The following PTPRG variants were observed in gnomAD, a reference collection of about 807,000 sequenced individuals.
PTPRG encodes the protein protein tyrosine phosphatase receptor type G, also known as receptor-type tyrosine-protein phosphatase gamma.
Under a neutral mutation model 165.3 loss-of-function variants are expected in PTPRG, and 102 were observed. The ratio of observed to expected loss-of-function variants is 0.62; its 90% CI spans 0.53 to 0.73. PTPRG has a LOEUF of 0.73. PTPRG is among the 30% of genes least tolerant of loss of function. PTPRG has a pLI of 0.00. For synonymous variants in PTPRG, 675 were observed against 669.5 expected (o/e 1.01, Z -0.13); for missense variants, 1,866 against 1,861.4 (o/e 1.00, Z -0.05).
chr3:62,276,042 G>C, intron 24 of PTPRG, 76 bp downstream of exon 24: 2 of 1,057,856 alleles, frequency 1.9e-6, no homozygotes, highest in South Asian at 1.5e-5. Context: ...CCACTACTCT[G>C]ATGCTATTGA....
rs1702984914 is a variant in PTPRG, at chr3:62,294,002, C to G, written c.*695C>G. The G allele has an allele frequency of 6.6e-6, 1 of 152,530 alleles. No individual in the cohort carries two copies. Among genetic ancestry groups the G allele is most frequent in the African/African-American group, 2.4e-5 (1 of 41,436 alleles). 9.4% of individuals were successfully genotyped at this position (152,530 alleles called of 1,614,324 possible). A position where few individuals can be genotyped will look rare whatever the true frequency, so the allele number is the denominator to read the frequency against. On this transcript the variant is annotated 3_prime_UTR_variant, in exon 30 of 30. Transcript: ENST00000474889. ...AAATGTGTCAAAATAAAGGATAACT[C>G]TGTATTACAGCTTTCACAGTAGCTA...
intron 5 of PTPRG, chr3:62,124,462 C>T: frequency 2.5e-6 from 4 of 1,613,470 alleles, no homozygotes; most frequent in East Asian, 2.2e-5. Flanking sequence ...TGCTGGGCAC[C>T]AGCTCCTTGA....
intron 2 of PTPRG, among the ~76,000 whole-genome samples, chr3:61,965,576 T>C (rs1305497982): frequency 6.6e-6 from 1 of 152,072 alleles, no homozygotes; most frequent in African/African-American, 2.4e-5. Context: ...TCAAGAGTGT[T>C]CTTCTAAAGC....
intron 2 of PTPRG, among the ~76,000 whole-genome samples, chr3:61,882,074 T>G (rs2037903135): frequency 6.6e-6 from 1 of 152,240 alleles, no homozygotes. Context: ...CCATTACAAC[T>G]GACAGTATAC....
At chr3:62,249,662 G>T (rs768994370) in intron 15 of PTPRG, among the ~76,000 whole-genome samples, 31 of 152,174 alleles carry the variant, frequency 2.0e-4, no homozygotes, top group Non-Finnish European at 2.5e-4. Context: ...TAGACCTTAA[G>T]TCAATCAACT....
chr3:62,049,538 G>C (rs1487523950), intron 4 of PTPRG, among the ~76,000 whole-genome samples: 2 of 141,272 alleles, frequency 1.4e-5, no homozygotes, highest in Non-Finnish European at 3.0e-5. Flanking sequence ...TCCAAGTGGT[G>C]GATAGGATTT....
chr3:61,595,777 A>G (rs1052884562), intron 1 of PTPRG, among the ~76,000 whole-genome samples: 10 of 152,222 alleles, frequency 6.6e-5, no homozygotes, highest in Admixed American at 1.3e-4. Context: ...TAAGAAATCT[A>G]TCTAGTGTTC....
intron 1 of PTPRG, among the ~76,000 whole-genome samples, chr3:61,630,614 A>G (rs1222007459): frequency 6.6e-6 from 1 of 152,154 alleles, no homozygotes; most frequent in African/African-American, 2.4e-5. Context: ...TTTTCAGTTG[A>G]GCTGACATTC....
At position 62,203,270 on chromosome 3, in the gene PTPRG, T is replaced by C; in HGVS notation, c.1475T>C (p.Met492Thr). The C allele has an allele frequency of 6.2e-7, 1 of 1,614,024 alleles. No homozygotes were observed. Among genetic ancestry groups the C allele is most frequent in the African/African-American group, 1.3e-5 (1 of 75,000 alleles). Residue 492 changes from methionine (M) to threonine (T), a missense_variant, in exon 12 of 30, where the codon ATG (methionine) becomes ACG (threonine). Physicochemically the swap from Met to Thr is moderately conservative, Grantham distance 81. This residue lies in a region of PTPRG where 1,452 missense variants were observed against 1,463.0 expected (regional missense o/e 0.99). Transcript: ENST00000474889. This position sits in a 1 kb window ranked among gnomAD's most constrained non-coding sequence, Gnocchi z 6.4. Reference protein sequence around the residue: ...SSGIPFSFVSMATGMGPSSSG... With the variant: ...SSGIPFSFVSTATGMGPSSSG... ...GGCATCCCATTCTCATTTGTTTCCA[T>C]GGCAACTGGGATGGGCCCCTCCTCC...
At chr3:61,751,722 G>A (rs1245386207) in intron 2 of PTPRG, among the ~76,000 whole-genome samples, 1 of 152,182 alleles carries the variant, frequency 6.6e-6, no homozygotes, top group Admixed American at 6.5e-5. Flanking sequence ...CGGGCGCAGT[G>A]GCTCACGCCT....
At chr3:61,584,363 T>G (rs1201708636) in intron 1 of PTPRG, among the ~76,000 whole-genome samples, 1 of 152,232 alleles carries the variant, frequency 6.6e-6, no homozygotes, top group Non-Finnish European at 1.5e-5. Context: ...TGTCATGTTT[T>G]AACTACTCCT....
intron 2 of PTPRG, among the ~76,000 whole-genome samples, chr3:61,861,953 G>T (rs2037282690): frequency 6.6e-6 from 1 of 152,150 alleles, no homozygotes; most frequent in Admixed American, 6.5e-5. Flanking sequence ...CACAAGCAGA[G>T]GTGAAAATGG....
At chr3:61,815,923 T>G (rs1439969884) in intron 2 of PTPRG, among the ~76,000 whole-genome samples, 1 of 152,232 alleles carries the variant, frequency 6.6e-6, no homozygotes, top group Non-Finnish European at 1.5e-5. Context: ...TATTTCATTT[T>G]AGGCTATTTT....
intron 2 of PTPRG, among the ~76,000 whole-genome samples, chr3:61,781,488 A>G (rs1283457340): frequency 6.6e-6 from 1 of 152,046 alleles, no homozygotes; most frequent in Non-Finnish European, 1.5e-5. Flanking sequence ...TGGGATACAT[A>G]TCATCACTTC....
At chr3:62,251,772 G>C (rs1374486492) in intron 15 of PTPRG, among the ~76,000 whole-genome samples, 1 of 152,182 alleles carries the variant, frequency 6.6e-6, no homozygotes, top group Non-Finnish European at 1.5e-5. Flanking sequence ...GTGTATCCTA[G>C]TACACAGGAA....
intron 7 of PTPRG, among the ~76,000 whole-genome samples, chr3:62,162,962 T>C (rs1704826512): frequency 1.3e-5 from 2 of 152,186 alleles, no homozygotes. Flanking sequence ...TAATTGGCTC[T>C]GCAGGAGGCA....
intron 1 of PTPRG, among the ~76,000 whole-genome samples, chr3:61,632,569 T>C (rs1030190641): frequency 4.6e-5 from 7 of 152,162 alleles, no homozygotes; most frequent in Non-Finnish European, 8.8e-5. Flanking sequence ...GGCATGGCCA[T>C]AGACACAGCA....
intron 2 of PTPRG, among the ~76,000 whole-genome samples, chr3:61,789,104 T>C (rs2034796147): frequency 6.6e-6 from 1 of 152,188 alleles, no homozygotes; most frequent in South Asian, 2.1e-4. Flanking sequence ...CTTTTCTTTT[T>C]TTCTTTTTCT....
In PTPRG at chr3:62,213,471, C is replaced by A. The variant is rs1165970891; in HGVS notation, c.2156-5380C>A. Among the ~76,000 whole-genome samples the A allele has an allele frequency of 1.3e-5, 2 of 152,160 alleles. No individual in the cohort carries two copies. The highest frequency in any genetic ancestry group is 4.8e-5 in the African/African-American group (2 of 41,436). ...GTTACATAGCCATAACTTACATAGT[C>A]TGTTTTCACACGGACGATCTTTTTT... is the stretch of plus-strand genomic sequence containing the variant. On this transcript the variant is annotated intron_variant, in intron 12 of 29. Coordinates refer to ENST00000474889, the MANE Select transcript of PTPRG (RefSeq NM_002841.4). This position sits in a 1 kb window ranked among gnomAD's most constrained non-coding sequence, Gnocchi z 4.4.
Sources: allele counts gnomAD v4.1 joint callset (sites outside exome capture counted in the v4.1 genomes callset), GRCh38; gene constraint gnomAD v4.1.1; regional missense constraint gnomAD v4.1.1; non-coding constraint Gnocchi (gnomAD v3.1); transcripts MANE v1.5; gene names NCBI Gene and HGNC (gene_info 2026-07-23, HGNC 2026-07-21).